GLI3: variants seen among roughly 807,000 people sequenced by gnomAD.
GLI3 encodes GLI family zinc finger 3, also known as transcription activator GLI3.
GLI3 carries 20 observed loss-of-function variants against 100.8 expected under a neutral mutation model. The ratio of observed to expected loss-of-function variants is 0.20; its 90% CI spans 0.14 to 0.29. GLI3 has a LOEUF of 0.29. Ranked by LOEUF, GLI3 falls within the 10% of genes least tolerant of loss-of-function variation. The probability of loss-of-function intolerance (pLI) is 1.00; values close to 1 mark genes in which losing one functional copy is unlikely to be tolerated. For missense variants in GLI3, 2,040 were observed against 2,128.5 expected (o/e 0.96, Z 0.82); for synonymous variants, 938 against 860.5 (o/e 1.09, Z -1.58).
chr7:41,987,405 G>A (rs1787861299), intron 10 of GLI3, among the ~76,000 whole-genome samples: 1 of 152,174 alleles, frequency 6.6e-6, no homozygotes, highest in Admixed American at 6.5e-5. Flanking sequence ...CTGACCTCAT[G>A]ATCCACCTGC....
intron 10 of GLI3, among the ~76,000 whole-genome samples, chr7:42,000,403 G>A (rs934854339): frequency 3.3e-5 from 5 of 152,068 alleles, no homozygotes. Flanking sequence ...ACCTAAAAAT[G>A]TTTGCGAGTT....
At chr7:42,223,440 T>C in intron 1 of GLI3, 145 bp from the exon 2 acceptor site, 1 of 528,636 alleles carries the variant, frequency 1.9e-6, no homozygotes, top group Non-Finnish European at 3.3e-6. Context: ...ACAGGTTTTC[T>C]GGCAAAAAAA....
chr7:42,002,010 T>C (rs1361127747), intron 10 of GLI3, among the ~76,000 whole-genome samples: 2 of 152,026 alleles, frequency 1.3e-5, no homozygotes, highest in African/African-American at 4.8e-5. Context: ...AAACACTGTG[T>C]TTACTTCCAA....
In GLI3 at chr7:42,116,561, G is replaced by A. The variant is rs1397066820; in HGVS notation, c.367+31665C>T. ...GTGGGGATCTGTTTTCAACCCATTC[G>A]TAAAATCTATCCATTTGTTTTTATT... is the stretch of plus-strand genomic sequence containing the variant. On this transcript the variant is annotated intron_variant, in intron 3 of 14. Coordinates refer to ENST00000395925, the MANE Select transcript of GLI3 (RefSeq NM_000168.6). Among the ~76,000 whole-genome samples, 10 of 151,078 alleles carry A rather than the reference G, an allele frequency of 6.6e-5. No homozygotes were observed. In the South Asian group the frequency reaches 1.0e-3, roughly 16 times the overall value.
In GLI3 at chr7:41,978,735, T is replaced by A; in HGVS notation, c.1511A>T (p.Asp504Val). The change falls in exon 11 of 15, where the codon GAC (aspartate) becomes GTC (valine). Residue 504 changes from aspartate (D) to valine (V), a missense_variant. This residue lies in a region of GLI3 where 603 missense variants were observed against 690.9 expected (regional missense o/e 0.87). Coordinates refer to ENST00000395925, the MANE Select transcript of GLI3 (RefSeq NM_000168.6). ...QEQLVHHINN[D>V]HIHGEKKEFV... is the part of the protein sequence containing the mutation. Reference sequence around the variant, plus strand: ...CTCCTTCTTCTCTCCATGAATATGGTCGTTATTTATATGCTGGGGTTTGGA... The same window carrying A: ...CTCCTTCTTCTCTCCATGAATATGGACGTTATTTATATGCTGGGGTTTGGA... 6.2e-7 allele frequency: 1 copy of A among 1,613,914 alleles called. No individual in the cohort carries two copies. The highest frequency in any genetic ancestry group is 8.5e-7 in the Non-Finnish European group (1 of 1,179,798).
intron 1 of GLI3, among the ~76,000 whole-genome samples, chr7:42,246,805 CTT>C (rs71006467): frequency 2.9e-3 from 271 of 94,834 alleles, no homozygotes; most frequent in African/African-American, 0.011. Flanking sequence ...ATGATAGAAT[CTT>C]TTTTTTTTTT....
intron 3 of GLI3, among the ~76,000 whole-genome samples, chr7:42,126,257 T>C (rs928666790): frequency 8.5e-5 from 13 of 152,224 alleles, no homozygotes; most frequent in Non-Finnish European, 1.6e-4. Flanking sequence ...TGTGATCAAA[T>C]TCATTCAACA....
At chr7:42,032,695 T>C (rs1789326296) in intron 7 of GLI3, among the ~76,000 whole-genome samples, 1 of 152,246 alleles carries the variant, frequency 6.6e-6, no homozygotes, top group South Asian at 2.1e-4. Flanking sequence ...ATAATATGGC[T>C]TGCTGTAGCC....
At chr7:42,002,397 A>G (rs1197590649) in intron 10 of GLI3, among the ~76,000 whole-genome samples, 1 of 152,242 alleles carries the variant, frequency 6.6e-6, no homozygotes, top group Non-Finnish European at 1.5e-5. Context: ...ACCAAATAAC[A>G]GAGCATCAAA....
At chr7:42,051,120 G>A (rs1170180533) in intron 4 of GLI3, among the ~76,000 whole-genome samples, 2 of 152,176 alleles carry the variant, frequency 1.3e-5, no homozygotes, top group Non-Finnish European at 2.9e-5. Flanking sequence ...TATCTTCTCT[G>A]GCAGGAGCAC....
chr7:41,995,229 G>A (rs1260702018), intron 10 of GLI3, among the ~76,000 whole-genome samples: 4 of 152,194 alleles, frequency 2.6e-5, no homozygotes, highest in Non-Finnish European at 5.9e-5. Flanking sequence ...CTGGTCCCAG[G>A]CTATAGGTAT....
At chr7:42,089,467 C>T (rs1785171320) in intron 3 of GLI3, among the ~76,000 whole-genome samples, 1 of 152,216 alleles carries the variant, frequency 6.6e-6, no homozygotes, top group Admixed American at 6.5e-5. Flanking sequence ...ATCTTGACAC[C>T]AATATATACT....
chr7:42,146,305 A>C (rs1439853043), intron 3 of GLI3, among the ~76,000 whole-genome samples: 1 of 152,208 alleles, frequency 6.6e-6, no homozygotes, highest in Non-Finnish European at 1.5e-5. Context: ...ATTAGTTAAT[A>C]GGACATTGGA....
intron 10 of GLI3, among the ~76,000 whole-genome samples, chr7:42,021,340 C>T (rs1788936181): frequency 6.6e-6 from 1 of 152,108 alleles, no homozygotes. Context: ...TTAAAATAGT[C>T]CACTGTATAT....
chr7:42,204,470 G>A (rs1169246086), intron 2 of GLI3, among the ~76,000 whole-genome samples: 4 of 152,096 alleles, frequency 2.6e-5, no homozygotes, highest in African/African-American at 7.2e-5. Context: ...TGTTTACATT[G>A]CACTTAATAA....
At chr7:42,098,840 G>GA (rs1470103108) in intron 3 of GLI3, among the ~76,000 whole-genome samples, 3 of 152,120 alleles carry the variant, frequency 2.0e-5, no homozygotes, top group Non-Finnish European at 4.4e-5. Context: ...TGGGTACAGA[G>GA]AGGATAGGTC....
rs1380969783 is a variant in GLI3, at chr7:42,134,657, C to T, written c.367+13569G>A. ...CTGACAAAGACTAGCTGCGCACCAC[C>T]CTCAGAATATGACAGCACGTGCCAA... On this transcript the variant is annotated intron_variant, in intron 3 of 14. Transcript: ENST00000395925. Among the ~76,000 whole-genome samples the T allele has an allele frequency of 2.0e-5, 3 of 152,070 alleles. No homozygotes were observed. The South Asian group carries it at 6.2e-4, about 32-fold the overall frequency.
chr7:41,993,834 A>G (rs74479588), intron 10 of GLI3, among the ~76,000 whole-genome samples: 1,718 of 152,304 alleles, frequency 0.011, 14 homozygotes, highest in Non-Finnish European at 0.018. Context: ...TGATTGCTCT[A>G]TTCCCCACAA....
At chr7:41,968,791 A>AGAAAGAAAGAAAGAAAGAAAG (rs1215213721) in intron 13 of GLI3, among the ~76,000 whole-genome samples, 2 of 151,098 alleles carry the variant, frequency 1.3e-5, no homozygotes, top group African/African-American at 4.9e-5. Flanking sequence ...AAAGAAAGAA[A>AGAAAGAAAGAAAGAAAGAAAG]GAAAGAAAGA....
Sources: gnomAD v4.1 joint callset for allele counts (sites outside exome capture counted in the v4.1 genomes callset) on GRCh38, gnomAD v4.1.1 for gene constraint, gnomAD v4.1.1 regional missense constraint, MANE v1.5 for transcripts, NCBI Gene and HGNC (gene_info 2026-07-23, HGNC 2026-07-21) for gene names.